Variants in RBFOX1 observed in about 807,000 individuals in gnomAD.
RBFOX1 encodes the protein RNA binding protein fox-1 homolog 1.
RBFOX1 carries 8 observed loss-of-function variants against 57.7 expected under a neutral mutation model. That is an observed-to-expected ratio of 0.14 (90% confidence interval 0.08 to 0.25). The LOEUF (loss-of-function observed/expected upper bound fraction) is 0.25, where lower values mean the gene tolerates loss of function less well. Ranked by LOEUF, RBFOX1 falls within the 10% of genes least tolerant of loss-of-function variation. RBFOX1 has a pLI of 1.00. For missense variants in RBFOX1, 611 were observed against 548.5 expected (o/e 1.11, Z -1.14); for synonymous variants, 326 against 222.4 (o/e 1.47, Z -4.15).
intron 1 of RBFOX1, among the ~76,000 whole-genome samples, chr16:6,026,129 G>GT (rs1377811061): frequency 1.3e-5 from 2 of 152,108 alleles, no homozygotes; most frequent in African/African-American, 4.8e-5. Context: ...GTCGATTCTC[G>GT]TTTTTTACAG....
chr16:5,634,140 T>C (rs182912526), intron 3 of RBFOX1, among the ~76,000 whole-genome samples: 36 of 152,356 alleles, frequency 2.4e-4, no homozygotes, highest in African/African-American at 8.4e-4. Flanking sequence ...CTCACTTCTT[T>C]GCACATAGCA....
chr16:7,120,237 A>G (rs1257938878), intron 4 of RBFOX1, among the ~76,000 whole-genome samples: 1 of 152,058 alleles, frequency 6.6e-6, no homozygotes, highest in African/African-American at 2.4e-5. Flanking sequence ...GAGAATAAGA[A>G]CGTTCTCAAA....
intron 2 of RBFOX1, among the ~76,000 whole-genome samples, chr16:6,579,669 G>T (rs2097504659): frequency 6.6e-6 from 1 of 152,182 alleles, no homozygotes; most frequent in Non-Finnish European, 1.5e-5. Flanking sequence ...CTGTGAGTCA[G>T]TTATACCTCT....
intron 3 of RBFOX1, among the ~76,000 whole-genome samples, chr16:6,678,441 T>C (rs1396205482): frequency 6.6e-6 from 1 of 151,904 alleles, no homozygotes; most frequent in Non-Finnish European, 1.5e-5. Flanking sequence ...ATTTATGATA[T>C]ATAATATGTT....
chr16:6,699,299 C>CT (rs36062118), intron 3 of RBFOX1, among the ~76,000 whole-genome samples: 2,241 of 141,602 alleles, frequency 0.016, 20 homozygotes, highest in East Asian at 0.06. Context: ...CCCTATGTTA[C>CT]TTTTTTTTTT....
intron 2 of RBFOX1, among the ~76,000 whole-genome samples, chr16:6,553,644 C>G (rs2153884850): frequency 6.6e-6 from 1 of 152,078 alleles, no homozygotes; most frequent in Non-Finnish European, 1.5e-5. Flanking sequence ...CGATCTCTCT[C>G]AGGACAGGAT....
rs962792657 is a variant in RBFOX1 at position 7,567,096 on chromosome 16, C to G, written c.271-12681C>G. Among the ~76,000 whole-genome samples, 9 of 149,068 alleles carry G rather than the reference C, an allele frequency of 6.0e-5. No homozygotes were observed. The South Asian group carries it at 8.5e-4, about 14-fold the overall frequency. On this transcript the variant is annotated intron_variant, in intron 5 of 15. Coordinates refer to ENST00000550418, the MANE Select transcript of RBFOX1 (RefSeq NM_018723.4). ...TTAAAGCTGGATATATATATATCTC[C>G]CTATATATGTATATCCATATATATC...
intron 4 of RBFOX1, among the ~76,000 whole-genome samples, chr16:5,972,806 C>T (rs1217358203): frequency 6.6e-6 from 1 of 152,220 alleles, no homozygotes; most frequent in Non-Finnish European, 1.5e-5. Flanking sequence ...TCCTGGGCAC[C>T]ATGCACCCTT....
At chr16:6,257,231 C>T (rs548634596) in intron 1 of RBFOX1, among the ~76,000 whole-genome samples, 2 of 152,208 alleles carry the variant, frequency 1.3e-5, no homozygotes, top group South Asian at 4.1e-4. Context: ...TTAAGCCCTG[C>T]ATGTGCTAGC....
intron 3 of RBFOX1, among the ~76,000 whole-genome samples, chr16:6,905,057 C>T (rs372991455): frequency 6.6e-5 from 10 of 152,124 alleles, no homozygotes; most frequent in African/African-American, 2.4e-4. Context: ...AATTGAATTA[C>T]TTAATAAACT....
intron 4 of RBFOX1, among the ~76,000 whole-genome samples, chr16:5,993,876 A>G (rs1292640485): frequency 2.6e-5 from 4 of 152,134 alleles, no homozygotes; most frequent in African/African-American, 9.7e-5. Context: ...AAGATGATGT[A>G]TATTAATTCT....
chr16:5,929,825 G>T (rs911499498), intron 4 of RBFOX1, among the ~76,000 whole-genome samples: 6 of 148,280 alleles, frequency 4.0e-5, no homozygotes, highest in Non-Finnish European at 9.0e-5. Context: ...GCTGGCAAGG[G>T]AGTAGGCTAG....
intron 2 of RBFOX1, among the ~76,000 whole-genome samples, chr16:6,541,510 G>C (rs1414446084): frequency 2.0e-5 from 3 of 152,160 alleles, no homozygotes; most frequent in African/African-American, 7.2e-5. Flanking sequence ...GTCACATCAG[G>C]GTGACGTAGT....
intron 1 of RBFOX1, among the ~76,000 whole-genome samples, chr16:6,268,139 G>A (rs1464485304): frequency 6.6e-6 from 1 of 152,166 alleles, no homozygotes; most frequent in African/African-American, 2.4e-5. Flanking sequence ...TGAGGGCAGA[G>A]CATGTTCTTC....
chr16:7,343,691 A>G (rs2096940113), intron 4 of RBFOX1, among the ~76,000 whole-genome samples: 1 of 152,178 alleles, frequency 6.6e-6, no homozygotes, highest in Non-Finnish European at 1.5e-5. Context: ...AGGAAAAAAC[A>G]GGCAAACAGG....
intron 3 of RBFOX1, among the ~76,000 whole-genome samples, chr16:5,759,710 T>C (rs771662181): frequency 2.0e-5 from 3 of 152,202 alleles, no homozygotes; most frequent in Non-Finnish European, 4.4e-5. Context: ...TCTCGGTCTT[T>C]CTCTAAAAAG....
intron 1 of RBFOX1, chr16:5,366,654 T>C: frequency 2.3e-6 from 1 of 433,964 alleles, no homozygotes; most frequent in Non-Finnish European, 4.4e-6. Flanking sequence ...ACCAGGAGGC[T>C]ATTCCCGATC....
intron 14 of RBFOX1, among the ~76,000 whole-genome samples, chr16:7,680,457 C>A (rs930890495): frequency 2.0e-5 from 3 of 152,126 alleles, no homozygotes; most frequent in Non-Finnish European, 2.9e-5. Context: ...TGTCCCTCCA[C>A]GTCAGGGCTG....
chr16:7,185,258 A>G (rs1406541631), intron 4 of RBFOX1, among the ~76,000 whole-genome samples: 2 of 152,126 alleles, frequency 1.3e-5, no homozygotes, highest in African/African-American at 4.8e-5. Context: ...AAAGAAAGCA[A>G]ATTGAAGGAG....
Sources: allele counts gnomAD v4.1 joint callset (sites outside exome capture counted in the v4.1 genomes callset), GRCh38; gene constraint gnomAD v4.1.1; transcripts MANE v1.5; gene names NCBI Gene and HGNC (gene_info 2026-07-23, HGNC 2026-07-21).